Variants in RERG observed in about 807,000 individuals in gnomAD.
RERG encodes the protein ras-related and estrogen-regulated growth inhibitor.
In RERG, 25 loss-of-function variants were observed where a neutral mutation model predicts 23.2. That is an observed-to-expected ratio of 1.08 (90% CI 0.79 to 1.50). The LOEUF (loss-of-function observed/expected upper bound fraction) is 1.50. Ranked by LOEUF, RERG falls within the 40% of genes most tolerant of loss-of-function variation. The probability of loss-of-function intolerance (pLI) is 0.00; values close to 1 mark genes in which losing one functional copy is unlikely to be tolerated. For synonymous variants in RERG, 81 were observed against 89.1 expected (o/e 0.91, Z 0.51); for missense variants, 253 against 250.1 (o/e 1.01, Z -0.08).
chr12:15,126,958 T>C (rs973835407), intron 2 of RERG, among the ~76,000 whole-genome samples: 2 of 152,210 alleles, frequency 1.3e-5, no homozygotes, highest in South Asian at 2.1e-4. Flanking sequence ...GACCTTGTGA[T>C]CCGCCCGCTT....
chr12:15,193,238 A>G (rs1003519442), intron 2 of RERG, among the ~76,000 whole-genome samples: 2 of 151,960 alleles, frequency 1.3e-5, no homozygotes, highest in Non-Finnish European at 2.9e-5. Flanking sequence ...TTATTCAGTT[A>G]TTTGTTTCGG....
At chr12:15,155,771 A>T (rs1864512667) in intron 2 of RERG, among the ~76,000 whole-genome samples, 1 of 152,138 alleles carries the variant, frequency 6.6e-6, no homozygotes, top group Non-Finnish European at 1.5e-5. Flanking sequence ...ATTCTCCACT[A>T]GGGCTACCAT....
chr12:15,220,737 A>G (rs1331942455), intron 1 of RERG, among the ~76,000 whole-genome samples: 20 of 152,184 alleles, frequency 1.3e-4, no homozygotes, highest in Admixed American at 1.3e-3. Flanking sequence ...AGGCCTGGAA[A>G]TGAGATTCTC....
At chr12:15,187,280 C>A (rs35860336) in intron 2 of RERG, among the ~76,000 whole-genome samples, 1 of 152,022 alleles carries the variant, frequency 6.6e-6, no homozygotes, top group Non-Finnish European at 1.5e-5. Flanking sequence ...GAAAGCAAAG[C>A]TTAAAATGTG....
chr12:15,135,700 A>AATTTC (rs56120235), intron 2 of RERG, among the ~76,000 whole-genome samples: 103,957 of 151,356 alleles, frequency 0.69, 35,848 homozygotes, highest in Admixed American at 0.75. Flanking sequence ...TGATTTGATA[A>AATTTC]ATTAGTTAAT....
chr12:15,167,618 A>T (rs1864714774), intron 2 of RERG, among the ~76,000 whole-genome samples: 2 of 152,224 alleles, frequency 1.3e-5, no homozygotes, highest in East Asian at 1.9e-4. Flanking sequence ...AAAGACAGGC[A>T]GTTTTGTGAG....
chr12:15,146,743 C>T (rs184060894), intron 2 of RERG, among the ~76,000 whole-genome samples: 1 of 152,128 alleles, frequency 6.6e-6, no homozygotes, highest in African/African-American at 2.4e-5. Context: ...AGCATGGGAC[C>T]CATCTAAACT....
chr12:15,208,733 TAC>T (rs1411130091), intron 2 of RERG, among the ~76,000 whole-genome samples: 16 of 152,164 alleles, frequency 1.1e-4, no homozygotes, highest in African/African-American at 3.9e-4. Context: ...AATATATAAA[TAC>T]ACACATATAT....
intron 2 of RERG, among the ~76,000 whole-genome samples, chr12:15,189,542 T>C (rs758508682): frequency 5.9e-5 from 9 of 152,306 alleles, no homozygotes; most frequent in Non-Finnish European, 1.3e-4. Context: ...TTCCCCATTA[T>C]AGCTATTACT....
chr12:15,116,394 G>C (rs1206100477), intron 3 of RERG, among the ~76,000 whole-genome samples: 3 of 152,144 alleles, frequency 2.0e-5, no homozygotes, highest in African/African-American at 7.2e-5. Context: ...ATTTTTCTGT[G>C]TTGCTTCCAT....
intron 1 of RERG, among the ~76,000 whole-genome samples, chr12:15,218,746 T>C (rs535642978): frequency 6.6e-6 from 1 of 152,006 alleles, no homozygotes; most frequent in Non-Finnish European, 1.5e-5. Flanking sequence ...CATCCTAGGC[T>C]TCTTTTTTCT....
intron 2 of RERG, among the ~76,000 whole-genome samples, chr12:15,165,935 C>T (rs1185326204): frequency 6.6e-6 from 1 of 152,188 alleles, no homozygotes; most frequent in Non-Finnish European, 1.5e-5. Context: ...GGCTCCATGA[C>T]TGTAAGCTCC....
chr12:15,174,949 A>T (rs752760953), intron 2 of RERG, among the ~76,000 whole-genome samples: 1 of 152,154 alleles, frequency 6.6e-6, no homozygotes, highest in Non-Finnish European at 1.5e-5. Context: ...TAATAACTCT[A>T]AGATTTGGGA....
intron 2 of RERG, among the ~76,000 whole-genome samples, chr12:15,157,523 C>G (rs929150716): frequency 6.6e-6 from 1 of 152,174 alleles, no homozygotes; most frequent in Admixed American, 6.5e-5. Context: ...TCAGCTGCTT[C>G]CTGTCCCCTA....
At chr12:15,219,222 A>G (rs1421802809) in intron 1 of RERG, among the ~76,000 whole-genome samples, 1 of 152,260 alleles carries the variant, frequency 6.6e-6, no homozygotes, top group African/African-American at 2.4e-5. Context: ...TTTTCCATCT[A>G]TAAATTTTTA....
intron 2 of RERG, among the ~76,000 whole-genome samples, chr12:15,130,564 A>G (rs754520844): frequency 6.6e-6 from 1 of 151,150 alleles, no homozygotes; most frequent in Non-Finnish European, 1.5e-5. Flanking sequence ...TTGACATTGA[A>G]AAAAAAAACC....
intron 2 of RERG, among the ~76,000 whole-genome samples, chr12:15,143,149 T>A (rs1864265289): frequency 1.3e-5 from 2 of 152,146 alleles, no homozygotes. Context: ...ACCAAACACA[T>A]CTACCCTGTA....
intron 2 of RERG, among the ~76,000 whole-genome samples, chr12:15,143,630 A>G (rs1864279056): frequency 6.6e-6 from 1 of 152,192 alleles, no homozygotes; most frequent in African/African-American, 2.4e-5. Context: ...AGGCTCCTGT[A>G]GGTCCTAGAG....
At chr12:15,205,490 C>A (rs1293388684) in intron 2 of RERG, among the ~76,000 whole-genome samples, 1 of 152,016 alleles carries the variant, frequency 6.6e-6, no homozygotes, top group African/African-American at 2.4e-5. Context: ...AAGTCCCAGA[C>A]TTTGGAACAG....
Sources: allele counts gnomAD v4.1 joint callset (sites outside exome capture counted in the v4.1 genomes callset), GRCh38; gene constraint gnomAD v4.1.1; transcripts MANE v1.5; gene names NCBI Gene and HGNC (gene_info 2026-07-23, HGNC 2026-07-21).